ENPEP: variants seen among roughly 807,000 people sequenced by gnomAD.
The protein encoded by ENPEP is glutamyl aminopeptidase, also known as AP-A.
A neutral mutation model predicts 114.5 loss-of-function variants in ENPEP; 103 were observed. That is an observed-to-expected ratio of 0.90 (90% CI 0.77 to 1.06). The LOEUF (loss-of-function observed/expected upper bound fraction) is 1.06. Ranked by LOEUF, ENPEP falls within the 50% of genes least tolerant of loss-of-function variation. ENPEP has a pLI of 0.00. For missense variants in ENPEP, 1,196 were observed against 1,161.3 expected, an observed-to-expected ratio of 1.03 and a Z score of -0.43; for synonymous variants, 420 against 422.0, an observed-to-expected ratio of 1.00 and a Z score of 0.06.
chr4:110,488,997 A>C (rs891482562), intron 2 of ENPEP, among the ~76,000 whole-genome samples: 1 of 152,186 alleles, frequency 6.6e-6, no homozygotes, highest in African/African-American at 2.4e-5. Flanking sequence ...ATGGCAAACT[A>C]ATGGAATTAC....
chr4:110,531,015 G>A (rs563178), intron 10 of ENPEP, among the ~76,000 whole-genome samples, 183 bp from the exon 11 acceptor site: 148,044 of 152,262 alleles, frequency 0.97, 72,099 homozygotes, highest in East Asian at 1. Context: ...TAGAAATTGA[G>A]AACAGTTACA....
intron 10 of ENPEP, among the ~76,000 whole-genome samples, chr4:110,525,291 G>C (rs889752044): frequency 6.6e-6 from 1 of 152,164 alleles, no homozygotes; most frequent in Non-Finnish European, 1.5e-5. Context: ...CTGGCCCCAG[G>C]AGCTGGGATG....
At chr4:110,557,230 A>C (rs1050148731) in intron 18 of ENPEP, among the ~76,000 whole-genome samples, 10 of 152,200 alleles carry the variant, frequency 6.6e-5, no homozygotes, top group Non-Finnish European at 1.3e-4. Flanking sequence ...AGGGTGAATA[A>C]ATTAGCAATT....
chr4:110,539,241 A>T (rs1420630135), intron 11 of ENPEP, among the ~76,000 whole-genome samples: 3 of 152,198 alleles, frequency 2.0e-5, no homozygotes, highest in Non-Finnish European at 4.4e-5. Context: ...AGCGCAATAA[A>T]GTAAGGTATG....
At chr4:110,489,210 G>GAA (rs551689195) in intron 2 of ENPEP, among the ~76,000 whole-genome samples, 6 of 135,938 alleles carry the variant, frequency 4.4e-5, no homozygotes, top group African/African-American at 1.1e-4. Context: ...AATGTCTGGA[G>GAA]AAAAAAAAAA....
chr4:110,542,108 A>C (rs913915980), intron 11 of ENPEP, among the ~76,000 whole-genome samples: 2 of 152,146 alleles, frequency 1.3e-5, no homozygotes, highest in African/African-American at 2.4e-5. Flanking sequence ...CGGCTTTACA[A>C]AGATAAATAA....
rs1727676402 is a variant in ENPEP at position 110,561,460 on chromosome 4, G to C, written c.2776G>C (p.Glu926Gln). The change falls in exon 20 of 20, where the codon GAA becomes CAA. Residue 926 changes from glutamate to glutamine, a missense_variant. Physicochemically the swap from Glu to Gln is conservative, Grantham distance 29. Transcript: ENST00000265162. ...AGCTGGAGCAGGAGAAAAACCTAGG[G>C]AACAAGTGCTGGAAACAGTGAAAAA... ...PQAGAGEKPR[E>Q]QVLETVKNNI... is the part of the protein sequence containing the mutation. The C allele has an allele frequency of 1.2e-6, 2 of 1,613,840 alleles. No individual in the cohort carries two copies. Among genetic ancestry groups the C allele is most frequent in the Non-Finnish European group, 1.7e-6 (2 of 1,179,960 alleles).
chr4:110,480,788 G>C (rs1724285043), intron 1 of ENPEP, among the ~76,000 whole-genome samples: 1 of 152,242 alleles, frequency 6.6e-6, no homozygotes, highest in African/African-American at 2.4e-5. Context: ...CAGAGTTGTA[G>C]TGGGGCGTGG....
rs1725497224 is a variant in ENPEP, at chr4:110,509,637, CTTTCTT to C, written c.1040-15_1040-10del. The C allele has an allele frequency of 3.1e-6, 5 of 1,606,422 alleles. No homozygotes were observed. The South Asian group carries it at 5.6e-5, about 18-fold the overall frequency. On this transcript the variant is annotated splice_polypyrimidine_tract_variant and intron_variant, in intron 4 of 19. Coordinates refer to ENST00000265162, the MANE Select transcript of ENPEP (RefSeq NM_001977.4). ...GAAAGAATGTATTTCTCACTGGACT[CTTTCTT>C]CTTCTATAGATAAAATCGCTATTCC...
chr4:110,476,659 A>T lies in ENPEP; in HGVS notation c.245A>T (p.Glu82Val), dbSNP rs1302162524. ...GACCAGGACATCTGCCCGGCCAGTG[A>T]GGATGAGAGCGGACAGTGGAAAAAC... is the stretch of plus-strand genomic sequence containing the variant. ...AQDQDICPASEDESGQWKNFR... is the reference protein window; with the variant it reads ...AQDQDICPASVDESGQWKNFR... The change falls in exon 1 of 20, where the codon GAG (glutamate) becomes GTG (valine). Residue 82 changes from glutamate to valine, a missense_variant. Physicochemically the swap from Glu to Val is moderately radical, Grantham distance 121. Coordinates refer to ENST00000265162, the MANE Select transcript of ENPEP (RefSeq NM_001977.4). 5 of 1,613,886 alleles carry T rather than the reference A, an allele frequency of 3.1e-6. No homozygotes were observed. The highest frequency in any genetic ancestry group is 1.3e-5 in the African/African-American group (1 of 74,934).
At chr4:110,493,442 A>G (rs969022679) in intron 3 of ENPEP, among the ~76,000 whole-genome samples, 8 of 152,216 alleles carry the variant, frequency 5.3e-5, no homozygotes, top group African/African-American at 1.9e-4. Flanking sequence ...TAAGAGATCA[A>G]CAGAAGCCAA....
intron 3 of ENPEP, among the ~76,000 whole-genome samples, chr4:110,502,062 T>C (rs1725183298): frequency 1.3e-5 from 2 of 152,210 alleles, no homozygotes; most frequent in South Asian, 4.1e-4. Flanking sequence ...TTCATATGCT[T>C]GTGGGCCATA....
At position 110,564,971 on chromosome 4, in the gene ENPEP, C is replaced by T. The variant is rs1238872446; in HGVS notation, c.*3413C>T. The T allele has an allele frequency of 6.6e-6, 1 of 152,150 alleles. No individual in the cohort carries two copies. The highest frequency in any genetic ancestry group is 2.4e-5 in the African/African-American group (1 of 41,416). 9.4% of individuals were successfully genotyped at this position (152,150 alleles called of 1,614,324 possible). On this transcript the variant is annotated 3_prime_UTR_variant, in exon 20 of 20. Transcript: ENST00000265162. ...ACACATGTGCTGTAAATGAGAAATA[C>T]CCCTTTGTTATTGTAAATCACTGAG...
chr4:110,543,756 T>C (rs6823197), intron 13 of ENPEP, among the ~76,000 whole-genome samples: 242 of 152,172 alleles, frequency 1.6e-3, no homozygotes, highest in African/African-American at 5.7e-3. Flanking sequence ...TCTCTGGCTT[T>C]GTAGTCGCCT....
chr4:110,545,016 C>T (rs970064822), intron 13 of ENPEP, among the ~76,000 whole-genome samples: 14 of 152,084 alleles, frequency 9.2e-5, no homozygotes, highest in African/African-American at 2.4e-4. Flanking sequence ...AAATGGGACT[C>T]GGAGAGAAAC....
At chr4:110,539,792 A>G (rs1726784155) in intron 11 of ENPEP, among the ~76,000 whole-genome samples, 1 of 111,096 alleles carries the variant, frequency 9.0e-6, no homozygotes, top group Non-Finnish European at 1.9e-5. Context: ...GCAACACAGC[A>G]TTCATATCAT....
At chr4:110,478,071 C>T (rs192526680) in intron 1 of ENPEP, among the ~76,000 whole-genome samples, 1 of 152,300 alleles carries the variant, frequency 6.6e-6, no homozygotes, top group East Asian at 1.9e-4. Flanking sequence ...AAGAAAGCTT[C>T]TTGTCACAGT....
At chr4:110,493,258 C>T (rs1724794945) in intron 3 of ENPEP, among the ~76,000 whole-genome samples, 1 of 152,168 alleles carries the variant, frequency 6.6e-6, no homozygotes, top group African/African-American at 2.4e-5. Flanking sequence ...TGAAAAAATA[C>T]AGTTTTGCAA....
At position 110,513,328 on chromosome 4, in the gene ENPEP, C is replaced by T. The variant is rs1578402500; in HGVS notation, c.1309-87C>T. ...ACTTAAGTCATTTATATTTATTTTC[C>T]TCCAATTTTTCTTATATATGGTATT... On this transcript the variant is annotated intron_variant, in intron 6 of 19. Transcript: ENST00000265162. 2.9e-6 allele frequency: 4 copies of T among 1,402,672 alleles called. No individual in the cohort carries two copies. The East Asian group carries it at 7.7e-5, about 27-fold the overall frequency. The allele number at this position is 1,402,672 out of a possible 1,614,324, so 86.9% of individuals were successfully genotyped here. A position where few individuals can be genotyped will look rare whatever the true frequency, so the allele number is the denominator to read the frequency against.
Sources: allele counts gnomAD v4.1 joint callset (sites outside exome capture counted in the v4.1 genomes callset), GRCh38; gene constraint gnomAD v4.1.1; transcripts MANE v1.5; gene names NCBI Gene and HGNC (gene_info 2026-07-23, HGNC 2026-07-21).